GNB4: variants seen among roughly 807,000 people sequenced by gnomAD.
GNB4 encodes guanine nucleotide-binding protein subunit beta-4.
Under a neutral mutation model 45.2 loss-of-function variants are expected in GNB4, and 28 were observed. The observed-to-expected ratio is 0.62, with a 90% CI of 0.46 to 0.85. GNB4 has a LOEUF of 0.85. GNB4 is among the 40% of genes least tolerant of loss of function. GNB4 has a pLI of 0.00. For synonymous variants in GNB4, 132 were observed against 143.7 expected, an observed-to-expected ratio of 0.92 and a Z score of 0.58; for missense variants, 321 against 425.4, an observed-to-expected ratio of 0.75 and a Z score of 2.16.
chr3:179,463,574 A>C, the GNB4 span, among the ~76,000 whole-genome samples: 1 of 152,222 alleles, frequency 6.6e-6, no homozygotes, highest in African/African-American at 2.4e-5. Context: ...TGAAGAAGTT[A>C]AAAGATCTTG....
At chr3:179,517,138 G>A in the GNB4 span, among the ~76,000 whole-genome samples, 17 of 152,028 alleles carry the variant, frequency 1.1e-4, no homozygotes, top group Admixed American at 3.3e-4. Flanking sequence ...CCAGATGGCC[G>A]GTTCCTGCCT....
the GNB4 span, among the ~76,000 whole-genome samples, chr3:179,506,239 G>A: frequency 6.6e-6 from 1 of 152,128 alleles, no homozygotes; most frequent in Non-Finnish European, 1.5e-5. Context: ...TTGGGAGGCT[G>A]AGGTGGGAGG....
the GNB4 span, among the ~76,000 whole-genome samples, chr3:179,494,326 GAGAA>G: frequency 1.3e-5 from 2 of 151,414 alleles, no homozygotes; most frequent in African/African-American, 2.4e-5. Flanking sequence ...AAGAAAGAAA[GAGAA>G]AGAAAAGAAA....
chr3:179,451,667 T>G (rs536573560), upstream of GNB4: 1 of 152,166 alleles, frequency 6.6e-6, no homozygotes, highest in East Asian at 1.9e-4. Flanking sequence ...TTCTGCTTCC[T>G]ATTTTCTCTC....
intron 1 of GNB4, among the ~76,000 whole-genome samples, chr3:179,435,857 A>G (rs1226101473): frequency 6.6e-6 from 1 of 152,240 alleles, no homozygotes; most frequent in Non-Finnish European, 1.5e-5. Flanking sequence ...AATTTGTTAA[A>G]TAAAATGGAA....
rs542397028 is a variant in GNB4 at position 179,449,849 on chromosome 3, C to A, written c.-43+1497G>T. 2.0e-5 allele frequency among the ~76,000 whole-genome samples: 3 copies of A among 152,324 alleles called. No homozygotes were observed. The South Asian group carries it at 6.2e-4, about 32-fold the overall frequency. Reference sequence around the variant, plus strand: ...TTGGTAAGGCCAGAAGAATGTCCAACACTTAGTTCCAATTCTTAATTTTCA... The same window carrying A: ...TTGGTAAGGCCAGAAGAATGTCCAAAACTTAGTTCCAATTCTTAATTTTCA... On this transcript the variant is annotated intron_variant, in intron 1 of 9. Coordinates refer to ENST00000232564, the MANE Select transcript of GNB4 (RefSeq NM_021629.4).
chr3:179,521,879 C>T, the GNB4 span, among the ~76,000 whole-genome samples: 3 of 152,040 alleles, frequency 2.0e-5, no homozygotes, highest in Admixed American at 1.3e-4. Flanking sequence ...CTAACAACCC[C>T]GCAATATCAC....
chr3:179,506,301 G>A, the GNB4 span, among the ~76,000 whole-genome samples: 1,016 of 152,196 alleles, frequency 6.7e-3, 15 homozygotes, highest in African/African-American at 0.023. Context: ...TTGTGCCACT[G>A]CACTCCAGCC....
chr3:179,461,173 A>T, the GNB4 span, among the ~76,000 whole-genome samples: 3 of 152,078 alleles, frequency 2.0e-5, no homozygotes, highest in Non-Finnish European at 4.4e-5. Context: ...CACCTTAGCG[A>T]CTGGACATGG....
the GNB4 span, among the ~76,000 whole-genome samples, chr3:179,499,167 T>C: frequency 6.8e-6 from 1 of 147,726 alleles, no homozygotes; most frequent in Non-Finnish European, 1.5e-5. Flanking sequence ...TTTTTTTTTT[T>C]TTTTTTTTGA....
the GNB4 span, among the ~76,000 whole-genome samples, chr3:179,483,973 C>G: frequency 1.3e-5 from 2 of 152,174 alleles, no homozygotes; most frequent in African/African-American, 4.8e-5. Context: ...TAGTCTCCTA[C>G]AATTGCAGAA....
At chr3:179,489,033 TATATATATATATA>T in the GNB4 span, among the ~76,000 whole-genome samples, 37 of 72,040 alleles carry the variant, frequency 5.1e-4, 4 homozygotes, top group African/African-American at 2.1e-3. Flanking sequence ...TATATATATA[TATATATATATATA>T]ATATATATGT....
the GNB4 span, among the ~76,000 whole-genome samples, chr3:179,520,155 C>T: frequency 7.3e-6 from 1 of 137,342 alleles, no homozygotes; most frequent in African/African-American, 2.8e-5. Flanking sequence ...CCCAGCCTCT[C>T]TGCTTTCACT....
At chr3:179,525,980 G>A in the GNB4 span, among the ~76,000 whole-genome samples, 4 of 152,220 alleles carry the variant, frequency 2.6e-5, no homozygotes, top group Non-Finnish European at 5.9e-5. Context: ...TCTGTGTGAA[G>A]AGACCACCAA....
chr3:179,446,543 G>T (rs1464080177), intron 1 of GNB4, among the ~76,000 whole-genome samples: 1 of 152,004 alleles, frequency 6.6e-6, no homozygotes, highest in Non-Finnish European at 1.5e-5. Flanking sequence ...TAATCGTATT[G>T]TAATTATTCA....
intron 2 of GNB4, among the ~76,000 whole-genome samples, chr3:179,424,009 C>T (rs372061450): frequency 2.6e-5 from 4 of 152,132 alleles, no homozygotes; most frequent in Admixed American, 6.5e-5. Flanking sequence ...AAGAGTAATG[C>T]GTGTTCAGGG....
chr3:179,519,658 A>G, the GNB4 span, among the ~76,000 whole-genome samples: 13 of 152,134 alleles, frequency 8.5e-5, no homozygotes, highest in East Asian at 3.9e-4. Context: ...TTCCCTAACT[A>G]TTCCTAGGCT....
At chr3:179,419,754 G>T (rs1257727674) in intron 3 of GNB4, among the ~76,000 whole-genome samples, 2 of 152,040 alleles carry the variant, frequency 1.3e-5, no homozygotes, top group African/African-American at 4.8e-5. Flanking sequence ...AATGCCTTCT[G>T]CAGACTATTA....
At chr3:179,418,483 A>AAG (rs1714871986) in intron 4 of GNB4, among the ~76,000 whole-genome samples, 1 of 142,938 alleles carries the variant, frequency 7.0e-6, no homozygotes. Context: ...AAAAAAAAAA[A>AAG]AAAAAGAAAA....
Sources: gnomAD v4.1 joint callset for allele counts (sites outside exome capture counted in the v4.1 genomes callset) on GRCh38, gnomAD v4.1.1 for gene constraint, MANE v1.5 for transcripts, NCBI Gene and HGNC (gene_info 2026-07-23, HGNC 2026-07-21) for gene names.